The following MTARC2 variants were observed in gnomAD, a reference collection of about 807,000 sequenced individuals.
MTARC2 encodes mitochondrial amidoxime reducing component 2, also known as MOCO sulphurase C-terminal domain containing 2.
MTARC2 carries 27 observed loss-of-function variants against 35.6 expected under a neutral mutation model. The observed-to-expected ratio is 0.76, with a 90% CI of 0.56 to 1.04. The LOEUF (loss-of-function observed/expected upper bound fraction) is 1.04, where lower values mean the gene tolerates loss of function less well. Among genes scored for constraint, MTARC2 ranks in the 50% least tolerant of loss-of-function variants. MTARC2 has a pLI of 0.00. For synonymous variants in MTARC2, 158 were observed against 167.1 expected (o/e 0.95, Z 0.42); for missense variants, 412 against 432.5 (o/e 0.95, Z 0.42).
In MTARC2 at chr1:220,750,359, G is replaced by A. The variant is rs337186; in HGVS notation, c.272+1556G>A. 9.3e-3 allele frequency among the ~76,000 whole-genome samples: 1,412 copies of A among 152,180 alleles called. 16 individuals carry two copies. Among genetic ancestry groups the A allele is most frequent in the African/African-American group, 0.032 (1,338 of 41,504 alleles). ...GCTAGGTTGCACTACTTCCTTCCTCGCTTGAAGGGTTGGTTTCACAGACAG... is the reference window on the plus strand; with the variant it reads ...GCTAGGTTGCACTACTTCCTTCCTCACTTGAAGGGTTGGTTTCACAGACAG... On this transcript the variant is annotated intron_variant, in intron 1 of 7. Coordinates refer to ENST00000366913, the MANE Select transcript of MTARC2 (RefSeq NM_017898.5).
intron 4 of MTARC2, among the ~76,000 whole-genome samples, chr1:220,767,748 C>G (rs1176518907): frequency 2.6e-5 from 4 of 152,184 alleles, no homozygotes; most frequent in African/African-American, 4.8e-5. Flanking sequence ...GGTATGTTAT[C>G]TTTCACTCAG....
chr1:220,755,284 A>T (rs1478613351), intron 2 of MTARC2, among the ~76,000 whole-genome samples, 164 bp downstream of exon 2: 2 of 152,194 alleles, frequency 1.3e-5, no homozygotes, highest in Admixed American at 1.3e-4. Flanking sequence ...TGAGTGGATG[A>T]TGCAGGGTAT....
intron 1 of MTARC2, among the ~76,000 whole-genome samples, 160 bp downstream of exon 1, chr1:220,748,963 G>C (rs1029804119): frequency 5.9e-5 from 9 of 152,184 alleles, no homozygotes; most frequent in Non-Finnish European, 4.4e-5. Context: ...GGAAGGCCAA[G>C]TTCATGCCAG....
chr1:220,783,848 TG>T, intron 7 of MTARC2, 70 bp from the exon 8 acceptor site: 1 of 716,888 alleles, frequency 1.4e-6, no homozygotes, highest in South Asian at 1.5e-5. Context: ...GACTGTTTTG[TG>T]GGAGTTTGAA....
chr1:220,759,650 G>A (rs1179624489), intron 2 of MTARC2, among the ~76,000 whole-genome samples: 1 of 152,144 alleles, frequency 6.6e-6, no homozygotes, highest in Non-Finnish European at 1.5e-5. Context: ...TGAGGGAAGA[G>A]CTCCATCCAG....
chr1:220,772,868 A>T (rs1281458828), intron 4 of MTARC2, among the ~76,000 whole-genome samples: 1 of 152,212 alleles, frequency 6.6e-6, no homozygotes, highest in Non-Finnish European at 1.5e-5. Context: ...TTAAGAATAG[A>T]AAAAATAACT....
rs199750926 is a variant in MTARC2 at position 220,781,783 on chromosome 1, G to A, written c.890G>A (p.Arg297His). The change falls in exon 7 of 8, where the codon CGC becomes CAC. Residue 297 changes from arginine (R) to histidine (H), a missense_variant. By Grantham distance (29) the Arg-to-His change is conservative. Transcript: ENST00000366913. ...TGAATTTTTGCTTGTTTCAGCTACC[G>A]CCTGTGTGATCCTTCTGAGAGGGAA... ...KQPLDTLKSY[R>H]LCDPSERELY... 4.0e-5 allele frequency: 65 copies of A among 1,613,948 alleles called. 1 individual carries two copies. In the Admixed American group the frequency reaches 7.2e-4, roughly 18 times the overall value.
At chr1:220,774,571 A>T (rs796609119) in intron 4 of MTARC2, among the ~76,000 whole-genome samples, 3,609 of 152,296 alleles carry the variant, frequency 0.024, 109 homozygotes, top group African/African-American at 0.064. Flanking sequence ...GTCCTGCGAC[A>T]GAGATTAAGC....
At chr1:220,776,598 A>G (rs566566339) in intron 4 of MTARC2, among the ~76,000 whole-genome samples, 1 of 152,302 alleles carries the variant, frequency 6.6e-6, no homozygotes, top group African/African-American at 2.4e-5. Flanking sequence ...TTAGGAAGTA[A>G]CTAGAGCCGG....
chr1:220,782,950 A>T (rs370433209), intron 7 of MTARC2, among the ~76,000 whole-genome samples: 1 of 152,244 alleles, frequency 6.6e-6, no homozygotes, highest in Non-Finnish European at 1.5e-5. Flanking sequence ...TGCTCAGTAA[A>T]TATCAGTTAT....
chr1:220,760,922 T>C (rs553570391), intron 2 of MTARC2, among the ~76,000 whole-genome samples: 1 of 152,256 alleles, frequency 6.6e-6, no homozygotes, highest in Non-Finnish European at 1.5e-5. Context: ...CGTTACACAC[T>C]TTTAAAAGCA....
At chr1:220,765,671 C>G (rs1180984312) in intron 4 of MTARC2, among the ~76,000 whole-genome samples, 1 of 152,170 alleles carries the variant, frequency 6.6e-6, no homozygotes, top group Non-Finnish European at 1.5e-5. Context: ...CTCCCCAGCT[C>G]AGGTGATCCT....
Position 220,748,817 on chromosome 1 carries a change from C to T in MTARC2, c.272+14C>T. The T allele has an allele frequency of 6.4e-7, 1 of 1,568,586 alleles. No individual in the cohort carries two copies. The highest frequency in any genetic ancestry group is 8.6e-7 in the Non-Finnish European group (1 of 1,159,396). On this transcript the variant is annotated intron_variant, in intron 1 of 7. Coordinates refer to ENST00000366913, the MANE Select transcript of MTARC2 (RefSeq NM_017898.5). ...CCTGCGGGACAGGTACAGCACAGCG[C>T]GGGCGCGGGGCAGCGCGGAGCCTGC...
chr1:220,767,293 T>A (rs1558070325), intron 4 of MTARC2, among the ~76,000 whole-genome samples: 1 of 152,244 alleles, frequency 6.6e-6, no homozygotes, highest in African/African-American at 2.4e-5. Context: ...AGTAGGACTC[T>A]CTTAAATATT....
At chr1:220,757,291 G>A (rs1297126484) in intron 2 of MTARC2, among the ~76,000 whole-genome samples, 2 of 152,230 alleles carry the variant, frequency 1.3e-5, no homozygotes, top group Non-Finnish European at 2.9e-5. Context: ...TGGCAGTTTG[G>A]TGAAAATGAT....
chr1:220,765,657 C>T (rs1457809041), intron 4 of MTARC2, among the ~76,000 whole-genome samples: 1 of 152,114 alleles, frequency 6.6e-6, no homozygotes, highest in African/African-American at 2.4e-5. Flanking sequence ...ACTGCAGCCT[C>T]GAACTCCCCA....
chr1:220,761,029 T>C (rs1316220136), intron 2 of MTARC2, among the ~76,000 whole-genome samples: 1 of 152,226 alleles, frequency 6.6e-6, no homozygotes, highest in Non-Finnish European at 1.5e-5. Flanking sequence ...AGTTTACCTG[T>C]CAACTTATAG....
chr1:220,778,460 G>A (rs76899850), intron 4 of MTARC2, among the ~76,000 whole-genome samples: 2,454 of 152,088 alleles, frequency 0.016, 41 homozygotes, highest in East Asian at 0.056. Context: ...ACCGGATCTC[G>A]CAAGAACTCA....
chr1:220,767,997 G>A (rs1245803570), intron 4 of MTARC2, among the ~76,000 whole-genome samples: 5 of 152,212 alleles, frequency 3.3e-5, no homozygotes. Flanking sequence ...TGTAAGAACA[G>A]CAGTCTCTAC....
Sources: allele counts gnomAD v4.1 joint callset (sites outside exome capture counted in the v4.1 genomes callset), GRCh38; gene constraint gnomAD v4.1.1; transcripts MANE v1.5; gene names NCBI Gene and HGNC (gene_info 2026-07-23, HGNC 2026-07-21).